Variants in VPS13C observed in about 807,000 individuals in gnomAD.
VPS13C encodes intermembrane lipid transfer protein VPS13C.
In VPS13C, 358 loss-of-function variants were observed where a neutral mutation model predicts 456.8. The observed-to-expected ratio is 0.78, with a 90% CI of 0.72 to 0.86. The LOEUF (loss-of-function observed/expected upper bound fraction) is 0.86. Ranked by LOEUF, VPS13C falls within the 40% of genes least tolerant of loss-of-function variation. VPS13C has a pLI of 0.00. For missense variants in VPS13C, 4,818 were observed against 4,385.4 expected (o/e 1.10, Z -2.79); for synonymous variants, 1,578 against 1,486.7 (o/e 1.06, Z -1.41).
chr15:61,938,784 T>C (rs780957687), intron 47 of VPS13C, among the ~76,000 whole-genome samples: 7 of 152,294 alleles, frequency 4.6e-5, no homozygotes, highest in Non-Finnish European at 8.8e-5. Flanking sequence ...ATTACAGATA[T>C]AGCAGAAGCC....
chr15:62,011,514 G>T (rs1047101787), intron 12 of VPS13C, among the ~76,000 whole-genome samples: 4 of 151,866 alleles, frequency 2.6e-5, no homozygotes, highest in African/African-American at 4.8e-5. Flanking sequence ...ACGGAACAAC[G>T]TGAGTATGAA....
intron 9 of VPS13C, among the ~76,000 whole-genome samples, chr15:62,019,568 G>A (rs1373654264): frequency 6.6e-6 from 1 of 152,112 alleles, no homozygotes; most frequent in African/African-American, 2.4e-5. Flanking sequence ...TTCAGGAGAA[G>A]GTTGTTCAGT....
At chr15:62,018,939 C>G (rs868080009) in intron 9 of VPS13C, among the ~76,000 whole-genome samples, 4 of 152,228 alleles carry the variant, frequency 2.6e-5, no homozygotes, top group Middle Eastern at 3.4e-3. Flanking sequence ...GGTTGGTAAG[C>G]TATTAATTAT....
At chr15:62,002,108 T>A (rs190191533) in intron 15 of VPS13C, among the ~76,000 whole-genome samples, 1,684 of 152,332 alleles carry the variant, frequency 0.011, 112 homozygotes, top group Admixed American at 0.099. Flanking sequence ...ACTTCCACAA[T>A]GGTTGAACTA....
intron 23 of VPS13C, 48 bp from the exon 24 acceptor site, chr15:61,977,247 A>G (rs2045731506): frequency 9.3e-7 from 1 of 1,069,740 alleles, no homozygotes; most frequent in Non-Finnish European, 1.3e-6. Context: ...ACAAACAGCC[A>G]TGGAACATGG....
chr15:62,008,445 T>A (rs1344157164), intron 14 of VPS13C, among the ~76,000 whole-genome samples: 1 of 151,916 alleles, frequency 6.6e-6, no homozygotes, highest in Non-Finnish European at 1.5e-5. Context: ...TACAAGTGGA[T>A]GTTCATATGA....
Position 61,884,375 on chromosome 15 carries a change from A to G in VPS13C, c.9342-106T>C, listed in dbSNP as rs577813076. 114 of 1,242,548 alleles carry G rather than the reference A, an allele frequency of 9.2e-5. No homozygotes were observed. In the African/African-American group the frequency reaches 1.4e-3, roughly 15 times the overall value. 77.0% of individuals were successfully genotyped at this position (1,242,548 alleles called of 1,614,324 possible). ...ACTATTATTTTCCTATGAAAATTAC[A>G]TTGGTATAAGGGACTTCTTAAAATA... On this transcript the variant is annotated intron_variant, in intron 67 of 84. Coordinates refer to ENST00000644861, the MANE Select transcript of VPS13C (RefSeq NM_020821.3).
chr15:62,043,069 T>A (rs955712453), intron 2 of VPS13C, among the ~76,000 whole-genome samples: 3 of 151,920 alleles, frequency 2.0e-5, no homozygotes, highest in African/African-American at 7.2e-5. Flanking sequence ...TTGTCATAAA[T>A]AGAGAAAAAA....
rs1308076287 is a variant in VPS13C at position 61,936,825 on chromosome 15, T to C, written c.5602-75A>G. ...ACTATCATATCTATATCTCGATTTG[T>C]GGTTTTTCAAATTAATTGTTCACCT... On this transcript the variant is annotated intron_variant, in intron 47 of 84. Coordinates refer to ENST00000644861, the MANE Select transcript of VPS13C (RefSeq NM_020821.3). The C allele has an allele frequency of 2.1e-6, 3 of 1,416,630 alleles. No individual in the cohort carries two copies. The African/African-American group carries it at 4.3e-5, about 20-fold the overall frequency. The allele number at this position is 1,416,630 out of a possible 1,614,324, so 87.8% of individuals were successfully genotyped here. A position where few individuals can be genotyped will look rare whatever the true frequency, so the allele number is the denominator to read the frequency against.
chr15:61,885,083 T>A (rs1042994259), intron 67 of VPS13C, among the ~76,000 whole-genome samples: 1 of 152,068 alleles, frequency 6.6e-6, no homozygotes, highest in African/African-American at 2.4e-5. Flanking sequence ...TTGCAGGCCT[T>A]AAAATATATC....
Position 62,033,429 on chromosome 15 carries a change from A to G in VPS13C, c.385+12T>C, listed in dbSNP as rs776768168. The G allele has an allele frequency of 6.3e-7, 1 of 1,579,854 alleles. No individual in the cohort carries two copies. On this transcript the variant is annotated intron_variant, in intron 5 of 84. Coordinates refer to ENST00000644861, the MANE Select transcript of VPS13C (RefSeq NM_020821.3). The stretch of plus-strand genomic sequence containing the variant: ...TAGGTATGTCTAAGTTTATCTCAAA[A>G]AAACTTTTTACCTTTTTCTGCTGCT...
rs79726912 is a variant in VPS13C, at chr15:61,855,998, T to TAA, written c.11076+286_11076+287dup. On this transcript the variant is annotated intron_variant, in intron 83 of 84. Coordinates refer to ENST00000644861, the MANE Select transcript of VPS13C (RefSeq NM_020821.3). ...AGCAACATGGGTGTCCATATGAAGT[T>TAA]AAAAAAAAAACCTCTCCTATTTACT... Among the ~76,000 whole-genome samples, 48 of 148,362 alleles carry TAA rather than the reference T, an allele frequency of 3.2e-4. 1 individual carries two copies. The highest frequency in any genetic ancestry group is 2.7e-4 in the Non-Finnish European group (18 of 66,838).
rs187283085 is a variant in VPS13C at position 62,060,392 on chromosome 15, A to G, written c.-18T>C. The G allele has an allele frequency of 2.9e-4, 412 of 1,420,610 alleles. 4 individuals are homozygous for G. The East Asian group carries it at 7.9e-3, about 27-fold the overall frequency. The allele number at this position is 1,420,610 out of a possible 1,614,324, so 88.0% of individuals were successfully genotyped here. A position where few individuals can be genotyped will look rare whatever the true frequency, so the allele number is the denominator to read the frequency against. ...AGCACCATGGTGGCGCTGAGGCACA[A>G]GGAGAGGGAGGAGCCGGAACCGCCC... On this transcript the variant is annotated 5_prime_UTR_variant, in exon 1 of 85. Transcript: ENST00000644861.
At position 61,987,342 on chromosome 15, in the gene VPS13C, T is replaced by C. The variant is rs569860433; in HGVS notation, c.1579-2343A>G. 3.9e-5 allele frequency among the ~76,000 whole-genome samples: 6 copies of C among 152,142 alleles called. No individual in the cohort carries two copies. In the East Asian group the frequency reaches 1.2e-3, roughly 29 times the overall value. Reference sequence around the variant, plus strand: ...CCTGAGACTGGATAATTTATCAAAGTAAGAGGTTTAATGGACCCACAGTTC... The same window carrying C: ...CCTGAGACTGGATAATTTATCAAAGCAAGAGGTTTAATGGACCCACAGTTC... On this transcript the variant is annotated intron_variant, in intron 18 of 84. Coordinates refer to ENST00000644861, the MANE Select transcript of VPS13C (RefSeq NM_020821.3).
Position 61,867,439 on chromosome 15 carries a change from A to C in VPS13C, c.10863+1220T>G. ...AGAGCAACTGACAATTCAATTATTA[A>C]AGCAGATGCTCCAGGTAATAGTCCC... is the stretch of plus-strand genomic sequence containing the variant. On this transcript the variant is annotated intron_variant, in intron 81 of 84. Coordinates refer to ENST00000644861, the MANE Select transcript of VPS13C (RefSeq NM_020821.3). This position sits in a 1 kb window ranked among gnomAD's most constrained non-coding sequence, Gnocchi z 5.0. 1 of 986,788 alleles carries C rather than the reference A, an allele frequency of 1.0e-6. No homozygotes were observed. Among genetic ancestry groups the C allele is most frequent in the Non-Finnish European group, 1.2e-6 (1 of 830,958 alleles). The allele number at this position is 986,788 out of a possible 1,614,324, so 61.1% of individuals were successfully genotyped here. A position where few individuals can be genotyped will look rare whatever the true frequency, so the allele number is the denominator to read the frequency against.
At chr15:62,000,495 C>A in intron 16 of VPS13C, 69 bp downstream of exon 16, 1 of 1,434,122 alleles carries the variant, frequency 7.0e-7, no homozygotes, top group Non-Finnish European at 9.5e-7. Flanking sequence ...ACTTCAATTT[C>A]TTGATCCTAG....
intron 61 of VPS13C, 47 bp from the exon 62 acceptor site, chr15:61,913,462 T>A (rs370596836): frequency 6.7e-6 from 10 of 1,497,488 alleles, no homozygotes; most frequent in Non-Finnish European, 9.2e-6. Flanking sequence ...TAAAACACTA[T>A]AATAATTTTA....
chr15:61,855,163 G>C lies in VPS13C; in HGVS notation c.11077-209C>G, dbSNP rs551713203. On this transcript the variant is annotated intron_variant, in intron 83 of 84. Coordinates refer to ENST00000644861, the MANE Select transcript of VPS13C (RefSeq NM_020821.3). ...TGTTAGAACTTATAAAATTGGATGA[G>C]CATACATCTATCTGTATAAAATAAT... 1.3e-4 allele frequency among the ~76,000 whole-genome samples: 20 copies of C among 152,270 alleles called. No homozygotes were observed. The South Asian group carries it at 3.9e-3, about 30-fold the overall frequency.
chr15:61,935,685 A>T (rs985937556), intron 48 of VPS13C: 1 of 152,212 alleles, frequency 6.6e-6, no homozygotes, highest in African/African-American at 2.4e-5. Context: ...GGAGATGTTG[A>T]CCTCATCAAG....
Sources: allele counts gnomAD v4.1 joint callset (sites outside exome capture counted in the v4.1 genomes callset), GRCh38; gene constraint gnomAD v4.1.1; non-coding constraint Gnocchi (gnomAD v3.1); transcripts MANE v1.5; gene names NCBI Gene and HGNC (gene_info 2026-07-23, HGNC 2026-07-21).